The following TGFBR2 variants were observed in gnomAD, a reference collection of about 807,000 sequenced individuals.
TGFBR2 encodes TGF-beta receptor type-2.
In TGFBR2, 18 loss-of-function variants were observed where a neutral mutation model predicts 49.0. The observed-to-expected ratio is 0.37, with a 90% CI of 0.25 to 0.54. TGFBR2 has a LOEUF of 0.54. Among genes scored for constraint, TGFBR2 ranks in the 20% least tolerant of loss-of-function variants. The pLI, the probability that TGFBR2 is intolerant of heterozygous loss-of-function variation, is 0.85. For missense variants in TGFBR2, 525 were observed against 722.6 expected, an observed-to-expected ratio of 0.73 and a Z score of 3.13; for synonymous variants, 282 against 275.9, an observed-to-expected ratio of 1.02 and a Z score of -0.22.
intron 1 of TGFBR2, among the ~76,000 whole-genome samples, chr3:30,609,121 G>A (rs561988326): frequency 6.6e-6 from 1 of 152,228 alleles, no homozygotes; most frequent in Admixed American, 6.5e-5. Context: ...GTTTTACAAG[G>A]CCCACAGATT....
chr3:30,637,821 G>A (rs1020392931), intron 1 of TGFBR2, among the ~76,000 whole-genome samples: 1 of 152,148 alleles, frequency 6.6e-6, no homozygotes, highest in Admixed American at 6.5e-5. Context: ...CAACACTGCA[G>A]CGAATTTATC....
chr3:30,644,164 T>C (rs1054964307), intron 1 of TGFBR2, among the ~76,000 whole-genome samples: 1 of 152,196 alleles, frequency 6.6e-6, no homozygotes, highest in African/African-American at 2.4e-5. Context: ...AAGACCCTTA[T>C]AGCTCTTTCA....
At chr3:30,670,847 C>T (rs1396240115) in intron 3 of TGFBR2, among the ~76,000 whole-genome samples, 1 of 152,196 alleles carries the variant, frequency 6.6e-6, no homozygotes, top group African/African-American at 2.4e-5. Context: ...CATGAAACTA[C>T]AATTCGTATG....
intron 1 of TGFBR2, among the ~76,000 whole-genome samples, chr3:30,615,927 G>A (rs1281231482): frequency 6.6e-6 from 1 of 151,860 alleles, no homozygotes; most frequent in African/African-American, 2.4e-5. Context: ...AATTTTTGTA[G>A]AGATGGTGTC....
rs1698813450 is a variant in TGFBR2 at position 30,648,432 on chromosome 3, AC to A, written c.264-1837del. On this transcript the variant is annotated intron_variant, in intron 2 of 6. Coordinates refer to ENST00000295754, the MANE Select transcript of TGFBR2 (RefSeq NM_003242.6). Reference sequence around the variant, plus strand: ...CCAAAAACAACCTACACACACACACACACACACACACACACACACACACACA... The same window carrying A: ...CCAAAAACAACCTACACACACACACAACACACACACACACACACACACACA... Among the ~76,000 whole-genome samples the A allele has an allele frequency of 6.3e-3, 569 of 90,632 alleles. 3 individuals carry two copies. The highest frequency in any genetic ancestry group is 0.027 in the African/African-American group (541 of 20,130). The allele number at this position is 90,632 out of a possible 152,430, so 59.5% of individuals were successfully genotyped here.
At chr3:30,670,157 C>A (rs745444294) in intron 3 of TGFBR2, among the ~76,000 whole-genome samples, 112 of 152,150 alleles carry the variant, frequency 7.4e-4, no homozygotes, top group Non-Finnish European at 1.1e-3. Flanking sequence ...ATCATATATT[C>A]TTTCTCCTTA....
chr3:30,631,768 C>A (rs147462188), intron 1 of TGFBR2, among the ~76,000 whole-genome samples: 1 of 151,690 alleles, frequency 6.6e-6, no homozygotes, highest in Non-Finnish European at 1.5e-5. Flanking sequence ...TGAAAGGGAC[C>A]TTTAAGTTCA....
At chr3:30,637,193 G>A (rs1458868923) in intron 1 of TGFBR2, among the ~76,000 whole-genome samples, 18 of 152,204 alleles carry the variant, frequency 1.2e-4, no homozygotes, top group Admixed American at 1.2e-3. Context: ...AGTAAAACAA[G>A]TACTTACAAA....
intron 1 of TGFBR2, among the ~76,000 whole-genome samples, chr3:30,617,381 GA>G (rs1436185010): frequency 6.6e-6 from 1 of 151,270 alleles, no homozygotes; most frequent in Non-Finnish European, 1.5e-5. Context: ...TATTGGGGAA[GA>G]AAAAAAGACA....
intron 2 of TGFBR2, among the ~76,000 whole-genome samples, chr3:30,649,856 G>A (rs1698846832): frequency 6.6e-6 from 1 of 152,114 alleles, no homozygotes; most frequent in Admixed American, 6.5e-5. Flanking sequence ...CTTAAACTAG[G>A]GGTGTGATGT....
At chr3:30,689,912 G>A (rs1031495708) in intron 6 of TGFBR2, among the ~76,000 whole-genome samples, 3 of 152,178 alleles carry the variant, frequency 2.0e-5, no homozygotes, top group Non-Finnish European at 4.4e-5. Context: ...TTTACTGCCT[G>A]TAATTACAGT....
intron 3 of TGFBR2, among the ~76,000 whole-genome samples, chr3:30,662,469 T>G (rs1428576712): frequency 6.6e-6 from 1 of 152,192 alleles, no homozygotes; most frequent in Non-Finnish European, 1.5e-5. Flanking sequence ...ATATGTGCAG[T>G]TGGAATAAAA....
chr3:30,650,370 A>G lies in TGFBR2; in HGVS notation c.364A>G (p.Ile122Val). ...ILEDAASPKC[I>V]MKEKKKPGET... ...GGAAGATGCTGCTTCTCCAAAGTGC[A>G]TTATGAAGGAAAAAAAAAAGCCTGG... The change falls in exon 3 of 7, where the codon ATT becomes GTT. Residue 122 changes from isoleucine to valine, a missense_variant. Coordinates refer to ENST00000295754, the MANE Select transcript of TGFBR2 (RefSeq NM_003242.6). 6.2e-7 allele frequency: 1 copy of G among 1,613,900 alleles called. No individual in the cohort carries two copies. The highest frequency in any genetic ancestry group is 8.5e-7 in the Non-Finnish European group (1 of 1,179,898).
intron 3 of TGFBR2, among the ~76,000 whole-genome samples, chr3:30,667,997 A>G (rs1699272551): frequency 6.6e-6 from 1 of 152,120 alleles, no homozygotes; most frequent in Non-Finnish European, 1.5e-5. Context: ...GCCAGATAAG[A>G]TCTCTGTTGC....
chr3:30,685,279 G>A (rs1699601501), intron 5 of TGFBR2, among the ~76,000 whole-genome samples: 1 of 152,188 alleles, frequency 6.6e-6, no homozygotes, highest in Non-Finnish European at 1.5e-5. Flanking sequence ...GTTCTTCCTG[G>A]TTTAGTAATT....
intron 1 of TGFBR2, among the ~76,000 whole-genome samples, chr3:30,614,202 T>C (rs56112439): frequency 0.053 from 8,043 of 150,600 alleles, 749 homozygotes; most frequent in African/African-American, 0.19. Flanking sequence ...CAAGGTGAAG[T>C]TTATCTGAAT....
chr3:30,606,691 G>T lies in TGFBR2; in HGVS notation c.-193G>T. On this transcript the variant is annotated 5_prime_UTR_variant, in exon 1 of 7. Coordinates refer to ENST00000295754, the MANE Select transcript of TGFBR2 (RefSeq NM_003242.6). ...GTGCAGCTTCCCTCGGCCGCCGGGG[G>T]CCTCCCCGCGCCTCGCCGGCCTCCA... 1 of 389,722 alleles carries T rather than the reference G, an allele frequency of 2.6e-6. No individual in the cohort carries two copies. The highest frequency in any genetic ancestry group is 4.5e-6 in the Non-Finnish European group (1 of 221,748). 24.1% of individuals were successfully genotyped at this position (389,722 alleles called of 1,614,324 possible). A position where few individuals can be genotyped will look rare whatever the true frequency, so the allele number is the denominator to read the frequency against.
At chr3:30,644,644 C>G in intron 1 of TGFBR2, 103 bp from the exon 2 acceptor site, 1 of 1,113,398 alleles carries the variant, frequency 9.0e-7, no homozygotes, top group South Asian at 1.3e-5. Context: ...GATTCATTCT[C>G]ATGACATCAA....
At position 30,693,952 on chromosome 3, in the gene TGFBR2, A is replaced by T. The variant is rs532935529; in HGVS notation, c.*2353A>T. On this transcript the variant is annotated 3_prime_UTR_variant, in exon 7 of 7. Transcript: ENST00000295754. ...GGAAAGTTTTATTCTTTTATGGAAC[A>T]CTTCAGCTGTACTCATGTATTAAAA... is the stretch of plus-strand genomic sequence containing the variant. 13 of 230,522 alleles carry T rather than the reference A, an allele frequency of 5.6e-5. No homozygotes were observed. Among genetic ancestry groups the T allele is most frequent in the African/African-American group, 2.2e-4 (10 of 45,266 alleles). The allele number at this position is 230,522 out of a possible 1,614,324, so 14.3% of individuals were successfully genotyped here.
Sources: gnomAD v4.1 joint callset for allele counts (sites outside exome capture counted in the v4.1 genomes callset) on GRCh38, gnomAD v4.1.1 for gene constraint, MANE v1.5 for transcripts, NCBI Gene and HGNC (gene_info 2026-07-23, HGNC 2026-07-21) for gene names.